Variants in KCNH7 observed in about 807,000 individuals in gnomAD.
KCNH7 encodes the protein voltage-gated inwardly rectifying potassium channel KCNH7.
In KCNH7, 49 loss-of-function variants were observed where a neutral mutation model predicts 120.8. The observed-to-expected ratio is 0.41, with a 90% CI of 0.32 to 0.51. The LOEUF (loss-of-function observed/expected upper bound fraction) is 0.51, where lower values mean the gene tolerates loss of function less well. Ranked by LOEUF, KCNH7 falls within the 20% of genes least tolerant of loss-of-function variation. KCNH7 has a pLI of 0.38. For synonymous variants in KCNH7, 547 were observed against 516.1 expected (o/e 1.06, Z -0.81); for missense variants, 1,097 against 1,446.6 (o/e 0.76, Z 3.92).
chr2:162,423,177 G>T, intron 9 of KCNH7, 159 bp downstream of exon 9: 1 of 1,466,180 alleles, frequency 6.8e-7, no homozygotes. Context: ...GCAATGCCAT[G>T]AATTGAGAAT....
Position 162,518,037 on chromosome 2 carries a change from TA to T in KCNH7, c.584del (p.Val195GlufsTer3). The T allele has an allele frequency of 6.2e-7, 1 of 1,612,504 alleles. No individual in the cohort carries two copies. Among genetic ancestry groups the T allele is most frequent in the Non-Finnish European group, 8.5e-7 (1 of 1,178,918 alleles). ...IDSSKHSDDS[V>X]AMKHFKSPTK... Reference sequence around the variant, plus strand: ...TAGGAGACTTAAAATGCTTCATGGCTACTGAATCATCACTGTGTTTAGATGA... The same window carrying T: ...TAGGAGACTTAAAATGCTTCATGGCTCTGAATCATCACTGTGTTTAGATGA... On this transcript the variant is annotated frameshift_variant, in exon 4 of 16. Coordinates refer to ENST00000332142, the MANE Select transcript of KCNH7 (RefSeq NM_033272.4). LOFTEE classifies it high-confidence loss of function.
At chr2:162,752,913 G>GA (rs1559116110) in intron 2 of KCNH7, among the ~76,000 whole-genome samples, 1 of 42,454 alleles carries the variant, frequency 2.4e-5, no homozygotes, top group Non-Finnish European at 4.5e-5. Flanking sequence ...AAAAAGAAAA[G>GA]AAAAGAAAAG....
intron 6 of KCNH7, among the ~76,000 whole-genome samples, chr2:162,492,156 CTG>C (rs1254893894): frequency 6.6e-6 from 1 of 152,182 alleles, no homozygotes; most frequent in African/African-American, 2.4e-5. Context: ...CTTATATCCT[CTG>C]TAAAGTTTTG....
At chr2:162,788,034 C>A (rs1470751391) in intron 2 of KCNH7, among the ~76,000 whole-genome samples, 3 of 152,088 alleles carry the variant, frequency 2.0e-5, no homozygotes, top group African/African-American at 7.3e-5. Flanking sequence ...GACCCTAATT[C>A]TTCAAATGAT....
At chr2:162,502,021 C>A (rs570496416) in intron 6 of KCNH7, 1 of 152,166 alleles carries the variant, frequency 6.6e-6, no homozygotes, top group Non-Finnish European at 1.5e-5. Flanking sequence ...ACCCCCATGG[C>A]ACTTATGTGA....
chr2:162,776,326 A>G (rs1214180881), intron 2 of KCNH7, among the ~76,000 whole-genome samples: 1 of 152,170 alleles, frequency 6.6e-6, no homozygotes, highest in Admixed American at 6.5e-5. Context: ...ATTGGCCAAT[A>G]CAAACGATCT....
intron 2 of KCNH7, among the ~76,000 whole-genome samples, chr2:162,761,796 C>T (rs1197096498): frequency 1.3e-5 from 2 of 151,990 alleles, no homozygotes; most frequent in Non-Finnish European, 2.9e-5. Context: ...ATGAGGGATT[C>T]GATAAGAGTG....
chr2:162,826,061 T>C (rs145000250), intron 2 of KCNH7, among the ~76,000 whole-genome samples: 38 of 152,196 alleles, frequency 2.5e-4, no homozygotes, highest in African/African-American at 8.4e-4. Flanking sequence ...GGTGAAATCC[T>C]GTATCAGCAT....
intron 2 of KCNH7, among the ~76,000 whole-genome samples, chr2:162,642,809 G>T (rs1349881553): frequency 6.6e-6 from 1 of 152,218 alleles, no homozygotes. Flanking sequence ...AGAATGGAGA[G>T]TGGATAGCCA....
intron 12 of KCNH7, among the ~76,000 whole-genome samples, chr2:162,391,192 A>G (rs1357237242): frequency 6.6e-6 from 1 of 152,054 alleles, no homozygotes; most frequent in Non-Finnish European, 1.5e-5. Flanking sequence ...ATGAACTAAC[A>G]CTACAAAAAT....
intron 8 of KCNH7, among the ~76,000 whole-genome samples, chr2:162,424,259 C>G (rs180896517): frequency 6.6e-6 from 1 of 151,932 alleles, no homozygotes; most frequent in Admixed American, 6.6e-5. Context: ...GGGAAGAAAC[C>G]GCTATGAGAT....
At chr2:162,701,295 T>C (rs908289810) in intron 2 of KCNH7, among the ~76,000 whole-genome samples, 5 of 152,176 alleles carry the variant, frequency 3.3e-5, no homozygotes, top group Non-Finnish European at 5.9e-5. Flanking sequence ...AAAAGTTTGC[T>C]AATCATGCAT....
intron 2 of KCNH7, among the ~76,000 whole-genome samples, chr2:162,540,048 G>A (rs1011864570): frequency 2.6e-5 from 4 of 151,820 alleles, no homozygotes; most frequent in African/African-American, 7.3e-5. Flanking sequence ...TTGGGAGCAA[G>A]AGCAATGGAA....
chr2:162,757,734 TTCTCACAAGACAATAA>T (rs1300345159), intron 2 of KCNH7, among the ~76,000 whole-genome samples: 1 of 152,250 alleles, frequency 6.6e-6, no homozygotes, highest in Admixed American at 6.5e-5. Context: ...GACCTTGGAT[TTCTCACAAGACAATAA>T]CTAGGGCATG....
intron 2 of KCNH7, among the ~76,000 whole-genome samples, chr2:162,779,465 C>A (rs1347824298): frequency 6.6e-6 from 1 of 152,182 alleles, no homozygotes; most frequent in Non-Finnish European, 1.5e-5. Flanking sequence ...TCCCAAAGTG[C>A]TGGAATTACA....
intron 9 of KCNH7, among the ~76,000 whole-genome samples, chr2:162,403,733 C>A (rs1305124204): frequency 6.6e-6 from 1 of 151,928 alleles, no homozygotes; most frequent in Non-Finnish European, 1.5e-5. Context: ...AAGTCAGTCA[C>A]ATAGATCACT....
chr2:162,778,441 CT>C (rs1340176247), intron 2 of KCNH7, among the ~76,000 whole-genome samples: 1 of 152,112 alleles, frequency 6.6e-6, no homozygotes, highest in Non-Finnish European at 1.5e-5. Context: ...GTAATGCAAT[CT>C]ATAAACAGCG....
chr2:162,466,806 T>C (rs1478190098), intron 6 of KCNH7, among the ~76,000 whole-genome samples: 1 of 152,144 alleles, frequency 6.6e-6, no homozygotes. Context: ...TTAAGAACAA[T>C]TTAATTGGAC....
chr2:162,422,797 C>T (rs555746670), intron 9 of KCNH7, among the ~76,000 whole-genome samples: 26 of 151,972 alleles, frequency 1.7e-4, no homozygotes, highest in Non-Finnish European at 2.9e-4. Context: ...AAGGGCACAG[C>T]GTAGATTGTT....
Sources: gnomAD v4.1 joint callset for allele counts (sites outside exome capture counted in the v4.1 genomes callset) on GRCh38, gnomAD v4.1.1 for gene constraint, MANE v1.5 for transcripts, NCBI Gene and HGNC (gene_info 2026-07-23, HGNC 2026-07-21) for gene names.